USH2A: variants seen among roughly 807,000 people sequenced by gnomAD.
USH2A encodes Usher syndrome 2A (autosomal recessive, mild).
In USH2A, 443 loss-of-function variants were observed where a neutral mutation model predicts 538.9. That is an observed-to-expected ratio of 0.82 (90% CI 0.76 to 0.89). The LOEUF is 0.89. USH2A is among the 40% of genes least tolerant of loss of function. The pLI, the probability that USH2A is intolerant of heterozygous loss-of-function variation, is 0.00. For missense variants in USH2A, 6,633 were observed against 6,324.8 expected, an observed-to-expected ratio of 1.05 and a Z score of -1.65; for synonymous variants, 2,413 against 2,273.5, an observed-to-expected ratio of 1.06 and a Z score of -1.75.
At chr1:216,151,174 C>A (rs935457704) in intron 21 of USH2A, among the ~76,000 whole-genome samples, 8 of 152,140 alleles carry the variant, frequency 5.3e-5, no homozygotes, top group African/African-American at 1.9e-4. Context: ...GTTACCCCAT[C>A]AGTCCCCATT....
Position 216,196,617 on chromosome 1 carries a change from C to A in USH2A, c.4187G>T (p.Gly1396Val). ...TTCAGAAAGCATATTGATGTCATAC[C>A]CCACAACTTTTCCTCTTGTAACATT... ...ADNVTRGKVVGYDINMLSEQS... is the reference protein window; with the variant it reads ...ADNVTRGKVVVYDINMLSEQS... Residue 1396 changes from glycine to valine, a missense_variant, in exon 19 of 72, where the codon GGG (glycine) becomes GTG (valine). Transcript: ENST00000307340. 6.2e-7 allele frequency: 1 copy of A among 1,613,510 alleles called. No individual in the cohort carries two copies. Among genetic ancestry groups the A allele is most frequent in the African/African-American group, 1.3e-5 (1 of 74,990 alleles).
chr1:216,233,878 GTACATA>G (rs1174630440), intron 13 of USH2A, among the ~76,000 whole-genome samples: 3 of 152,140 alleles, frequency 2.0e-5, no homozygotes, highest in Admixed American at 6.6e-5. Flanking sequence ...TCATGTATGT[GTACATA>G]TACATATACA....
chr1:215,843,686 C>T (rs1663757557), intron 46 of USH2A, among the ~76,000 whole-genome samples: 1 of 152,114 alleles, frequency 6.6e-6, no homozygotes, highest in African/African-American at 2.4e-5. Context: ...GAACATTGAA[C>T]ATTTTTTGAG....
chr1:216,102,595 C>G (rs911241460), intron 21 of USH2A, among the ~76,000 whole-genome samples: 1 of 151,840 alleles, frequency 6.6e-6, no homozygotes, highest in Non-Finnish European at 1.5e-5. Flanking sequence ...GTCAGGAGAC[C>G]GAGACCATCC....
Position 215,970,767 on chromosome 1 carries a change from G to T in USH2A, c.6815C>A (p.Thr2272Lys), listed in dbSNP as rs776972526. The change falls in exon 36 of 72, where the codon ACG becomes AAG. Residue 2272 changes from threonine (T) to lysine (K), a missense_variant. Thr to Lys is a moderately conservative substitution (Grantham distance 78). Coordinates refer to ENST00000307340, the MANE Select transcript of USH2A (RefSeq NM_206933.4). ...ACCATCTAGATATAATCCATAACTC[G>T]TGATAACACCTGGGAAGATAATAAT... Reference protein sequence around the residue: ...TEPEYPNGVITSYGLYLDGIL... With the variant: ...TEPEYPNGVIKSYGLYLDGIL... 1 of 1,613,326 alleles carries T rather than the reference G, an allele frequency of 6.2e-7. No individual in the cohort carries two copies. Among genetic ancestry groups the T allele is most frequent in the South Asian group, 1.1e-5 (1 of 91,076 alleles).
In USH2A at chr1:216,217,561, G is replaced by A. The variant is rs2035367567; in HGVS notation, c.2994-11C>T. 6.2e-7 allele frequency: 1 copy of A among 1,612,346 alleles called. No homozygotes were observed. Among genetic ancestry groups the A allele is most frequent in the African/African-American group, 1.3e-5 (1 of 74,828 alleles). ...TTACAAGGCTGACATCTGAAAACAAGGCAAATAAACCATCAAAGAGAATAG... is the reference window on the plus strand; with the variant it reads ...TTACAAGGCTGACATCTGAAAACAAAGCAAATAAACCATCAAAGAGAATAG... On this transcript the variant is annotated splice_polypyrimidine_tract_variant and intron_variant, in intron 14 of 71. Coordinates refer to ENST00000307340, the MANE Select transcript of USH2A (RefSeq NM_206933.4).
At chr1:215,803,728 A>T (rs999291429) in intron 49 of USH2A, among the ~76,000 whole-genome samples, 2 of 152,200 alleles carry the variant, frequency 1.3e-5, no homozygotes, top group African/African-American at 4.8e-5. Flanking sequence ...TTACAGATTC[A>T]ATGCCATCCC....
intron 38 of USH2A, among the ~76,000 whole-genome samples, chr1:215,908,875 GT>G (rs1416721783): frequency 6.6e-6 from 1 of 151,348 alleles, no homozygotes; most frequent in African/African-American, 2.4e-5. Flanking sequence ...TTGACTAATT[GT>G]TTTCCAGAAC....
At chr1:216,196,239 T>C (rs528637764) in intron 19 of USH2A, among the ~76,000 whole-genome samples, 3 of 152,044 alleles carry the variant, frequency 2.0e-5, no homozygotes, top group Admixed American at 2.0e-4. Flanking sequence ...TTATTGTGTG[T>C]CCAAATAACA....
At chr1:216,197,573 C>G (rs1292437133) in intron 18 of USH2A, among the ~76,000 whole-genome samples, 1 of 152,136 alleles carries the variant, frequency 6.6e-6, no homozygotes, top group Non-Finnish European at 1.5e-5. Context: ...GGACATCAAC[C>G]TAAAGCTACC....
At chr1:216,140,637 C>T (rs1013995236) in intron 21 of USH2A, among the ~76,000 whole-genome samples, 34 of 152,236 alleles carry the variant, frequency 2.2e-4, no homozygotes, top group African/African-American at 8.2e-4. Flanking sequence ...CTTGCTAAGG[C>T]CAGGAAAACC....
At chr1:215,633,990 G>A (rs986584308) in intron 70 of USH2A, among the ~76,000 whole-genome samples, 1 of 152,122 alleles carries the variant, frequency 6.6e-6, no homozygotes, top group African/African-American at 2.4e-5. Flanking sequence ...CACTAGCACT[G>A]TAGCCCCTTC....
chr1:215,780,401 T>C (rs1483572538), intron 54 of USH2A, among the ~76,000 whole-genome samples: 1 of 152,188 alleles, frequency 6.6e-6, no homozygotes, highest in African/African-American at 2.4e-5. Context: ...TCTTTGCATT[T>C]TAACAGCCTG....
chr1:216,175,304 A>G lies in USH2A; in HGVS notation c.4575T>C (p.Asn1525=). The change falls in exon 21 of 72, where the codon AAT becomes AAC. Residue 1525 remains asparagine, a synonymous_variant. Coordinates refer to ENST00000307340, the MANE Select transcript of USH2A (RefSeq NM_206933.4). ...TMMKGIRFIG[N]GYCKFPSSTH... The stretch of plus-strand genomic sequence containing the variant: ...TGGAGCTGGGAAATTTACAATACCC[A>G]TTTCCTATGAAACGGATTCCTTTCA... 6.2e-7 allele frequency: 1 copy of G among 1,613,766 alleles called. No homozygotes were observed. The highest frequency in any genetic ancestry group is 1.7e-4 in the Middle Eastern group (1 of 6,058).
chr1:215,715,315 G>T (rs12403674), intron 61 of USH2A, among the ~76,000 whole-genome samples: 21,016 of 152,200 alleles, frequency 0.14, 1,604 homozygotes, highest in East Asian at 0.31. Context: ...CATCAAGGAA[G>T]ATAGTGGAGT....
intron 64 of USH2A, among the ~76,000 whole-genome samples, chr1:215,652,599 A>G (rs996992818): frequency 6.6e-6 from 1 of 152,114 alleles, no homozygotes; most frequent in African/African-American, 2.4e-5. Flanking sequence ...TCAGACTTAC[A>G]CTAGGGAGGG....
At chr1:215,780,143 A>G in intron 54 of USH2A, 102 bp from the exon 55 acceptor site, 1 of 1,310,436 alleles carries the variant, frequency 7.6e-7, no homozygotes, top group African/African-American at 1.5e-5. Context: ...CTGGCCTGGC[A>G]TATCATTAGC....
At chr1:215,813,971 A>C in intron 48 of USH2A, 67 bp from the exon 49 acceptor site, 3,491 of 1,468,696 alleles carry the variant, frequency 2.4e-3, no homozygotes, top group Non-Finnish European at 3.0e-3. Context: ...ACTGTATCTC[A>C]TGTAATATAA....
intron 61 of USH2A, among the ~76,000 whole-genome samples, chr1:215,695,761 GT>G (rs1658787052): frequency 6.6e-6 from 1 of 152,026 alleles, no homozygotes; most frequent in Admixed American, 6.6e-5. Flanking sequence ...TTGTTTGTTT[GT>G]TTGTTTTTTG....
Sources: allele counts gnomAD v4.1 joint callset (sites outside exome capture counted in the v4.1 genomes callset), GRCh38; gene constraint gnomAD v4.1.1; transcripts MANE v1.5; gene names NCBI Gene and HGNC (gene_info 2026-07-23, HGNC 2026-07-21).